PCDH7: variants seen among roughly 807,000 people sequenced by gnomAD.
PCDH7 encodes the protein protocadherin-7.
Under a neutral mutation model 58.9 loss-of-function variants are expected in PCDH7, and 17 were observed. The observed-to-expected ratio is 0.29, with a 90% CI of 0.20 to 0.43. The LOEUF (loss-of-function observed/expected upper bound fraction) is 0.43, where lower values mean the gene tolerates loss of function less well. Ranked by LOEUF, PCDH7 falls within the 20% of genes least tolerant of loss-of-function variation. The pLI is 1.00. For synonymous variants in PCDH7, 664 were observed against 616.4 expected (o/e 1.08, Z -1.14); for missense variants, 1,274 against 1,441.0 (o/e 0.88, Z 1.88).
At chr4:30,974,234 T>G (rs1268624230) in intron 3 of PCDH7, among the ~76,000 whole-genome samples, 3 of 84,898 alleles carry the variant, frequency 3.5e-5, no homozygotes, top group African/African-American at 2.6e-4. Flanking sequence ...CTTTCTTTCT[T>G]TTTCTTTCTT....
chr4:30,963,662 G>A lies in PCDH7; in HGVS notation c.*7+13447G>A, dbSNP rs552810097. 2.6e-5 allele frequency among the ~76,000 whole-genome samples: 4 copies of A among 152,240 alleles called. No homozygotes were observed. In the South Asian group the frequency reaches 8.3e-4, roughly 32 times the overall value. On this transcript the variant is annotated intron_variant, in intron 3 of 3. Transcript: ENST00000509759. ...TTCATAGCTCATAGAGAGTAAGATGGTATAGGCTGTGCATTTTAGAATGTA... is the reference window on the plus strand; with the variant it reads ...TTCATAGCTCATAGAGAGTAAGATGATATAGGCTGTGCATTTTAGAATGTA...
chr4:30,909,315 C>A (rs922189190), intron 1 of PCDH7, among the ~76,000 whole-genome samples: 1 of 152,042 alleles, frequency 6.6e-6, no homozygotes, highest in Non-Finnish European at 1.5e-5. Flanking sequence ...AACATAGAAT[C>A]TGAAGTTCTG....
chr4:30,927,665 C>CGTTAAGA (rs1294705809), intron 2 of PCDH7, among the ~76,000 whole-genome samples: 1 of 152,028 alleles, frequency 6.6e-6, no homozygotes, highest in Non-Finnish European at 1.5e-5. Context: ...GCAGCATGCT[C>CGTTAAGA]GTTAAGAGTC....
chr4:31,063,427 A>G (rs1757845547), intron 3 of PCDH7, among the ~76,000 whole-genome samples: 2 of 151,854 alleles, frequency 1.3e-5, no homozygotes, highest in Non-Finnish European at 2.9e-5. Context: ...AGGGTTGAGC[A>G]TGCTATCATA....
At chr4:31,068,419 T>C (rs1758270205) in intron 3 of PCDH7, among the ~76,000 whole-genome samples, 1 of 151,960 alleles carries the variant, frequency 6.6e-6, no homozygotes, top group South Asian at 2.1e-4. Context: ...ACTCGTAAAC[T>C]GAAGGCAGGC....
intron 1 of PCDH7, among the ~76,000 whole-genome samples, chr4:30,859,753 T>C (rs990593612): frequency 1.3e-5 from 2 of 152,216 alleles, no homozygotes; most frequent in East Asian, 1.9e-4. Flanking sequence ...TCTGATTCTT[T>C]AGAAGGCAAA....
chr4:31,108,979 GTT>G (rs1715947848), intron 3 of PCDH7, among the ~76,000 whole-genome samples: 1 of 152,154 alleles, frequency 6.6e-6, no homozygotes, highest in South Asian at 2.1e-4. Context: ...GTTGTGTTGG[GTT>G]GCTTTGCTAA....
exon 4 of PCDH7, chr4:31,142,905 C>G: frequency 8.0e-7 from 1 of 1,247,472 alleles, no homozygotes; most frequent in Non-Finnish European, 1.0e-6. Context: ...GAATAAGGGG[C>G]AAAAACCTTA....
chr4:31,061,560 C>T (rs1757694330), intron 3 of PCDH7, among the ~76,000 whole-genome samples: 1 of 151,414 alleles, frequency 6.6e-6, no homozygotes, highest in Non-Finnish European at 1.5e-5. Flanking sequence ...AAAAAAGAGT[C>T]TCCATGCACT....
intron 3 of PCDH7, among the ~76,000 whole-genome samples, chr4:31,010,280 T>C (rs1028747767): frequency 2.6e-5 from 4 of 151,930 alleles, no homozygotes; most frequent in Admixed American, 2.6e-4. Flanking sequence ...TTAATGAAAA[T>C]CAAAGGTTTA....
intron 1 of PCDH7, among the ~76,000 whole-genome samples, chr4:30,880,313 A>C (rs1578146889): frequency 6.6e-6 from 1 of 151,856 alleles, no homozygotes; most frequent in East Asian, 1.9e-4. Context: ...CCTCAGCTTT[A>C]CTATAGAAAG....
At chr4:30,837,120 A>G (rs543856196) in intron 1 of PCDH7, among the ~76,000 whole-genome samples, 1 of 152,118 alleles carries the variant, frequency 6.6e-6, no homozygotes, top group South Asian at 2.1e-4. Flanking sequence ...TTTTTTTTAC[A>G]TTGAATCAAT....
intron 2 of PCDH7, among the ~76,000 whole-genome samples, chr4:30,923,484 C>T (rs142699362): frequency 5.3e-5 from 8 of 152,234 alleles, no homozygotes; most frequent in South Asian, 2.1e-4. Context: ...ACAAGCTTTA[C>T]GCTATATTCT....
At chr4:31,142,964 C>G (rs563656312), downstream of PCDH7, 1 of 695,142 alleles carries the variant, frequency 1.4e-6, no homozygotes, top group East Asian at 5.8e-5. Context: ...AGAGACAAAG[C>G]TTTGCCTGCC....
chr4:31,005,431 A>C (rs1049783605), intron 3 of PCDH7, among the ~76,000 whole-genome samples: 2 of 123,178 alleles, frequency 1.6e-5, no homozygotes, highest in Non-Finnish European at 3.9e-5. Context: ...TTGTGTCATC[A>C]ACCCTTCTTC....
At chr4:30,890,473 C>G (rs1351750696) in intron 1 of PCDH7, among the ~76,000 whole-genome samples, 1 of 115,372 alleles carries the variant, frequency 8.7e-6, no homozygotes, top group African/African-American at 3.4e-5. Flanking sequence ...TAGATTTCAT[C>G]GTTTATTTTT....
intron 3 of PCDH7, among the ~76,000 whole-genome samples, chr4:31,056,567 G>A (rs1033643772): frequency 6.7e-6 from 1 of 148,296 alleles, no homozygotes; most frequent in African/African-American, 2.5e-5. Context: ...AGGAAGGGAA[G>A]GGAAGAGAGG....
At position 30,819,727 on chromosome 4, in the gene PCDH7, G is replaced by A. The variant is rs141445960; in HGVS notation, c.70+95131G>A. Among the ~76,000 whole-genome samples, 493 of 152,236 alleles carry A rather than the reference G, an allele frequency of 3.2e-3. 3 individuals carry two copies. Among genetic ancestry groups the A allele is most frequent in the African/African-American group, 0.011 (467 of 41,554 alleles). On this transcript the variant is annotated intron_variant, in intron 1 of 3. Transcript: ENST00000509759. ...AGGTAGAAGTTTTCTGTAAGAAGGT[G>A]TGGTGAACAAATTTCTGTAATTGGG...
intron 1 of PCDH7, among the ~76,000 whole-genome samples, chr4:30,842,710 G>A (rs1162452904): frequency 6.6e-6 from 1 of 152,076 alleles, no homozygotes; most frequent in Non-Finnish European, 1.5e-5. Flanking sequence ...ATAGGTATTA[G>A]CTTATATTCT....
Sources: gnomAD v4.1 joint callset for allele counts (sites outside exome capture counted in the v4.1 genomes callset) on GRCh38, gnomAD v4.1.1 for gene constraint, MANE v1.5 for transcripts, NCBI Gene and HGNC (gene_info 2026-07-23, HGNC 2026-07-21) for gene names.